TIPIN: variants seen among roughly 807,000 people sequenced by gnomAD.
The protein encoded by TIPIN is TIMELESS interacting protein, also known as TIMELESS-interacting protein.
In TIPIN, 29 loss-of-function variants were observed where a neutral mutation model predicts 35.6. That is an observed-to-expected ratio of 0.82 (90% CI 0.61 to 1.11). TIPIN has a LOEUF of 1.11. Among genes scored for constraint, TIPIN ranks in the 50% most tolerant of loss-of-function variants. The pLI is 0.00. For missense variants in TIPIN, 296 were observed against 345.4 expected, an observed-to-expected ratio of 0.86 and a Z score of 1.13; for synonymous variants, 102 against 121.5, an observed-to-expected ratio of 0.84 and a Z score of 1.06.
At chr15:66,377,086 C>A (rs2093299628) in intron 1 of TIPIN, among the ~76,000 whole-genome samples, 2 of 108,884 alleles carry the variant, frequency 1.8e-5, no homozygotes, top group Non-Finnish European at 1.7e-5. Context: ...CCAGCCTGGG[C>A]AACAGAGCAA....
intron 1 of TIPIN, among the ~76,000 whole-genome samples, chr15:66,378,559 G>A (rs1225883046): frequency 1.3e-5 from 2 of 152,118 alleles, no homozygotes; most frequent in East Asian, 3.9e-4. Context: ...TCTCCATGGA[G>A]AAATGTTAAA....
At chr15:66,363,800 G>T (rs891401815) in intron 1 of TIPIN, among the ~76,000 whole-genome samples, 1 of 151,960 alleles carries the variant, frequency 6.6e-6, no homozygotes, top group African/African-American at 2.4e-5. Context: ...GGCTAACATG[G>T]TGAAACCACA....
chr15:66,381,632 TTAAA>T (rs1400597833), intron 1 of TIPIN, among the ~76,000 whole-genome samples: 1 of 152,210 alleles, frequency 6.6e-6, no homozygotes, highest in Non-Finnish European at 1.5e-5. Context: ...TTTTAGCTAT[TTAAA>T]TAATACTATG....
At chr15:66,359,748 A>T (rs778552084), upstream of TIPIN, among the ~76,000 whole-genome samples, 1 of 152,148 alleles carries the variant, frequency 6.6e-6, no homozygotes, top group Non-Finnish European at 1.5e-5. Context: ...TTTATATACT[A>T]TACTTTTTGA....
intron 7 of TIPIN, among the ~76,000 whole-genome samples, chr15:66,339,500 A>G (rs1337105859): frequency 6.6e-6 from 1 of 152,170 alleles, no homozygotes; most frequent in Non-Finnish European, 1.5e-5. Flanking sequence ...TTCAAAACCA[A>G]CTTGCAATTC....
At chr15:66,374,306 A>G (rs775673160) in intron 1 of TIPIN, among the ~76,000 whole-genome samples, 1 of 150,964 alleles carries the variant, frequency 6.6e-6, no homozygotes, top group Non-Finnish European at 1.5e-5. Flanking sequence ...TTTAATTTGC[A>G]TTTCCCCATA....
chr15:66,360,378 G>A (rs1349172928), upstream of TIPIN, among the ~76,000 whole-genome samples: 8 of 152,290 alleles, frequency 5.3e-5, no homozygotes, highest in African/African-American at 1.9e-4. Context: ...GGCTGAGACA[G>A]TAGGATTGCT....
chr15:66,348,451 C>T (rs2093142709), intron 6 of TIPIN: 1 of 145,252 alleles, frequency 6.9e-6, no homozygotes, highest in Admixed American at 7.1e-5. Flanking sequence ...GTGGGCGGAT[C>T]ACGAGGTCAG....
intron 1 of TIPIN, among the ~76,000 whole-genome samples, chr15:66,383,894 T>A (rs935638679): frequency 2.0e-5 from 3 of 152,198 alleles, no homozygotes; most frequent in African/African-American, 7.2e-5. Context: ...ATAGATATGT[T>A]AATTCACTTC....
intron 1 of TIPIN, chr15:66,383,592 AT>A (rs986247634): frequency 1.0e-5 from 10 of 985,030 alleles, no homozygotes; most frequent in Non-Finnish European, 1.2e-5. Context: ...AATGTTTATT[AT>A]TTTACTCTGA....
upstream of TIPIN, among the ~76,000 whole-genome samples, chr15:66,359,737 G>A (rs1387433656): frequency 1.3e-5 from 2 of 152,072 alleles, no homozygotes; most frequent in African/African-American, 4.8e-5. Context: ...ATCCAGGTAA[G>A]TTTATATACT....
chr15:66,379,776 AGAC>A (rs1312741493), intron 1 of TIPIN: 1 of 1,603,522 alleles, frequency 6.2e-7, no homozygotes, highest in East Asian at 2.2e-5. Context: ...CTTTCCAAGA[AGAC>A]TGAGTTCTAC....
At chr15:66,340,367 G>A (rs1419099033) in intron 7 of TIPIN, among the ~76,000 whole-genome samples, 1 of 150,768 alleles carries the variant, frequency 6.6e-6, no homozygotes. Flanking sequence ...TAGTAGAGGT[G>A]GGGTTTCACC....
chr15:66,373,940 C>T (rs951281854), intron 1 of TIPIN, among the ~76,000 whole-genome samples: 7 of 152,028 alleles, frequency 4.6e-5, no homozygotes, highest in Non-Finnish European at 8.8e-5. Context: ...TGGGCTCAAG[C>T]GACCCTTTTG....
At chr15:66,347,514 G>T (rs2093135070) in intron 6 of TIPIN, among the ~76,000 whole-genome samples, 1 of 152,160 alleles carries the variant, frequency 6.6e-6, no homozygotes, top group African/African-American at 2.4e-5. Flanking sequence ...TATAGGATCA[G>T]TGGGTCACCA....
At chr15:66,354,654 T>C (rs1202523134) in intron 1 of TIPIN, among the ~76,000 whole-genome samples, 1 of 152,186 alleles carries the variant, frequency 6.6e-6, no homozygotes, top group Non-Finnish European at 1.5e-5. Context: ...ACCTCACCAG[T>C]CTCACTTCAC....
intron 1 of TIPIN, chr15:66,379,994 C>G: frequency 2.4e-6 from 1 of 422,350 alleles, no homozygotes; most frequent in Non-Finnish European, 4.1e-6. Flanking sequence ...TCTTTTCTTT[C>G]TTTCTTTCTT....
intron 1 of TIPIN, among the ~76,000 whole-genome samples, chr15:66,369,585 T>C (rs2093270579): frequency 6.6e-6 from 1 of 151,876 alleles, no homozygotes; most frequent in African/African-American, 2.4e-5. Flanking sequence ...CCACATCTCG[T>C]GATCCACCCG....
intron 7 of TIPIN, among the ~76,000 whole-genome samples, chr15:66,337,618 A>C (rs1270103344): frequency 6.6e-6 from 1 of 152,048 alleles, no homozygotes; most frequent in Non-Finnish European, 1.5e-5. Flanking sequence ...TACCACGCCT[A>C]GCCAATAAGC....
Sources: allele counts gnomAD v4.1 joint callset (sites outside exome capture counted in the v4.1 genomes callset), GRCh38; gene constraint gnomAD v4.1.1; transcripts MANE v1.5; gene names NCBI Gene and HGNC (gene_info 2026-07-23, HGNC 2026-07-21).